ADGRL4: variants seen among roughly 807,000 people sequenced by gnomAD.
ADGRL4 encodes adhesion G protein-coupled receptor L4, also known as EGF, latrophilin and seven transmembrane domain containing 1.
Under a neutral mutation model 74.8 loss-of-function variants are expected in ADGRL4, and 90 were observed. The ratio of observed to expected loss-of-function variants is 1.20; its 90% CI spans 1.02 to 1.43. ADGRL4 has a LOEUF of 1.43. Among genes scored for constraint, ADGRL4 ranks in the 40% most tolerant of loss-of-function variants. ADGRL4 has a pLI of 0.00. For synonymous variants in ADGRL4, 311 were observed against 279.2 expected, an observed-to-expected ratio of 1.11 and a Z score of -1.14; for missense variants, 881 against 814.3, an observed-to-expected ratio of 1.08 and a Z score of -1.00.
chr1:78,921,828 T>C (rs778751459), intron 8 of ADGRL4, 42 bp from the exon 9 acceptor site: 14 of 1,160,770 alleles, frequency 1.2e-5, no homozygotes, highest in Non-Finnish European at 1.5e-5. Flanking sequence ...GAGAAAAAGT[T>C]ACATACATAG....
intron 12 of ADGRL4, among the ~76,000 whole-genome samples, chr1:78,909,212 A>T (rs1006637019): frequency 2.0e-5 from 3 of 152,044 alleles, no homozygotes; most frequent in Non-Finnish European, 4.4e-5. Flanking sequence ...ATTTAAAATT[A>T]CAATGAGTAG....
At chr1:78,937,102 A>G (rs1227636487) in intron 6 of ADGRL4, among the ~76,000 whole-genome samples, 2 of 152,206 alleles carry the variant, frequency 1.3e-5, no homozygotes, top group African/African-American at 4.8e-5. Flanking sequence ...TGCTATGTTG[A>G]TTGCTTTATA....
intron 2 of ADGRL4, among the ~76,000 whole-genome samples, chr1:78,948,989 T>G (rs919710250): frequency 6.6e-6 from 1 of 152,206 alleles, no homozygotes; most frequent in East Asian, 1.9e-4. Context: ...AAATAAAAGT[T>G]TTCATTTTTA....
At chr1:78,944,810 C>T (rs575018943) in intron 3 of ADGRL4, among the ~76,000 whole-genome samples, 2 of 152,118 alleles carry the variant, frequency 1.3e-5, no homozygotes, top group East Asian at 3.9e-4. Context: ...TTTTACATAA[C>T]AGAGTAAATG....
At chr1:78,901,305 A>C (rs1455593169) in intron 12 of ADGRL4, among the ~76,000 whole-genome samples, 2 of 152,176 alleles carry the variant, frequency 1.3e-5, no homozygotes, top group Non-Finnish European at 1.5e-5. Context: ...GAAAACCCCA[A>C]GGATGTCACC....
intron 12 of ADGRL4, among the ~76,000 whole-genome samples, chr1:78,899,302 A>G (rs552260681): frequency 6.6e-6 from 1 of 152,344 alleles, no homozygotes; most frequent in African/African-American, 2.4e-5. Flanking sequence ...ATAGCCATAT[A>G]CAGCAGCTTT....
At chr1:78,984,934 G>A (rs1478789486) in intron 2 of ADGRL4, among the ~76,000 whole-genome samples, 1 of 151,664 alleles carries the variant, frequency 6.6e-6, no homozygotes, top group South Asian at 2.1e-4. Flanking sequence ...GGAGGAAGAC[G>A]TGTTAGTATG....
At chr1:78,925,474 G>A (rs1435943956) in intron 8 of ADGRL4, among the ~76,000 whole-genome samples, 5 of 151,912 alleles carry the variant, frequency 3.3e-5, no homozygotes, top group African/African-American at 1.2e-4. Context: ...AGGTACTGTA[G>A]AATTATGTAT....
Position 78,917,853 on chromosome 1 carries a change from G to A in ADGRL4, c.1659C>T (p.Tyr553=). The change falls in exon 11 of 15, where the codon TAC becomes TAT. Residue 553 remains tyrosine (Y), a synonymous_variant. Transcript: ENST00000370742. ...VVVGFSAALG[Y]RYYGTTKVCW... is the part of the protein sequence containing the mutation. The stretch of plus-strand genomic sequence containing the variant: ...ACACTTTGGTTGTGCCATAATATCT[G>A]TATCCTAGTGCTGCCGAAAATCCAA... 2 of 1,612,570 alleles carry A rather than the reference G, an allele frequency of 1.2e-6. No individual in the cohort carries two copies. Among genetic ancestry groups the A allele is most frequent in the South Asian group, 1.1e-5 (1 of 91,042 alleles).
chr1:78,941,797 C>T (rs1649488041), intron 3 of ADGRL4, among the ~76,000 whole-genome samples: 1 of 152,172 alleles, frequency 6.6e-6, no homozygotes, highest in African/African-American at 2.4e-5. Flanking sequence ...CCTACGGTTT[C>T]CTCTTTCCTG....
At chr1:78,921,207 G>A (rs1038365873) in intron 9 of ADGRL4, among the ~76,000 whole-genome samples, 3 of 151,534 alleles carry the variant, frequency 2.0e-5, no homozygotes, top group Admixed American at 2.0e-4. Flanking sequence ...TTAGTTATAA[G>A]TGTGCTAATA....
intron 2 of ADGRL4, among the ~76,000 whole-genome samples, chr1:78,952,845 T>A (rs138532192): frequency 9.2e-5 from 14 of 152,198 alleles, no homozygotes; most frequent in Middle Eastern, 6.8e-3. Flanking sequence ...CATTTCAAAA[T>A]TTTTTTGAAG....
At chr1:78,968,679 T>G (rs188093211) in intron 2 of ADGRL4, among the ~76,000 whole-genome samples, 36 of 152,282 alleles carry the variant, frequency 2.4e-4, no homozygotes, top group African/African-American at 8.7e-4. Context: ...GAGCCCGGGT[T>G]GCTAGCTGGA....
chr1:78,998,602 GTGA>G (rs1334983225), intron 2 of ADGRL4, among the ~76,000 whole-genome samples: 1 of 151,940 alleles, frequency 6.6e-6, no homozygotes, highest in Non-Finnish European at 1.5e-5. Context: ...TCTCGACATG[GTGA>G]CCCACCTGCC....
chr1:78,921,749 T>C lies in ADGRL4; in HGVS notation c.1121A>G (p.Asn374Ser), dbSNP rs1245633123. ...DRYRSLCAFW[N>S]YSPDTMNGSW... ...GCCATTCATGGTATCAGGTGAGTAA[T>C]TCCAAAATGCACATAGACTCCTATA... The change falls in exon 9 of 15, where the codon AAT becomes AGT. Residue 374 changes from asparagine to serine, a missense_variant. By Grantham distance (46) the Asn-to-Ser change is conservative. Coordinates refer to ENST00000370742, the MANE Select transcript of ADGRL4 (RefSeq NM_022159.4). 6 of 1,597,794 alleles carry C rather than the reference T, an allele frequency of 3.8e-6. No individual in the cohort carries two copies.
chr1:78,937,387 G>A (rs1236497360), intron 6 of ADGRL4, among the ~76,000 whole-genome samples: 3 of 152,230 alleles, frequency 2.0e-5, no homozygotes, highest in African/African-American at 7.2e-5. Flanking sequence ...GGAGGTTGCA[G>A]TGAGCTGAGA....
chr1:78,919,071 G>A (rs1217877745), intron 10 of ADGRL4, among the ~76,000 whole-genome samples: 1 of 151,908 alleles, frequency 6.6e-6, no homozygotes, highest in Non-Finnish European at 1.5e-5. Flanking sequence ...GAATACCACT[G>A]CAAAACATAA....
At chr1:78,895,333 T>C (rs1348116132) in intron 12 of ADGRL4, among the ~76,000 whole-genome samples, 1 of 152,036 alleles carries the variant, frequency 6.6e-6, no homozygotes, top group Non-Finnish European at 1.5e-5. Flanking sequence ...TCTGGTGCAG[T>C]GGCAAGGGCT....
At chr1:78,990,197 G>A (rs1329603703) in intron 2 of ADGRL4, among the ~76,000 whole-genome samples, 2 of 151,666 alleles carry the variant, frequency 1.3e-5, no homozygotes, top group Non-Finnish European at 2.9e-5. Context: ...ATCTGTACTC[G>A]ATATCTAATT....
Sources: gnomAD v4.1 joint callset for allele counts (sites outside exome capture counted in the v4.1 genomes callset) on GRCh38, gnomAD v4.1.1 for gene constraint, MANE v1.5 for transcripts, NCBI Gene and HGNC (gene_info 2026-07-23, HGNC 2026-07-21) for gene names.